Variants in ACSL3 observed in about 807,000 individuals in gnomAD.
ACSL3 encodes fatty acid CoA ligase Acsl3.
A neutral mutation model predicts 84.7 loss-of-function variants in ACSL3; 34 were observed. The ratio of observed to expected loss-of-function variants is 0.40; its 90% confidence interval spans 0.31 to 0.53. The LOEUF (loss-of-function observed/expected upper bound fraction) is 0.53. Ranked by LOEUF, ACSL3 falls within the 20% of genes least tolerant of loss-of-function variation. ACSL3 has a pLI of 0.48. For synonymous variants in ACSL3, 315 were observed against 299.4 expected (o/e 1.05, Z -0.54); for missense variants, 680 against 873.1 (o/e 0.78, Z 2.79).
intron 4 of ACSL3, among the ~76,000 whole-genome samples, chr2:222,911,398 G>A (rs1005703309): frequency 6.6e-6 from 1 of 152,108 alleles, no homozygotes; most frequent in Non-Finnish European, 1.5e-5. Flanking sequence ...TTGAGAAATC[G>A]GGTAGTTATG....
chr2:222,913,116 A>T (rs930542970), intron 4 of ACSL3, among the ~76,000 whole-genome samples: 2 of 152,222 alleles, frequency 1.3e-5, no homozygotes, highest in African/African-American at 4.8e-5. Context: ...TTTTTCTTAG[A>T]TATTTTATAA....
chr2:222,888,536 T>C (rs1229320905), intron 2 of ACSL3, among the ~76,000 whole-genome samples: 1 of 152,240 alleles, frequency 6.6e-6, no homozygotes, highest in South Asian at 2.1e-4. Context: ...ATTAGAATCA[T>C]GATAGTTGAC....
chr2:222,880,096 T>C (rs1031068861), intron 1 of ACSL3, among the ~76,000 whole-genome samples: 1 of 152,214 alleles, frequency 6.6e-6, no homozygotes, highest in Non-Finnish European at 1.5e-5. Context: ...TATTGCCATA[T>C]ACAAAAGTCC....
At chr2:222,907,808 C>G (rs1308773457) in intron 3 of ACSL3, among the ~76,000 whole-genome samples, 3 of 151,790 alleles carry the variant, frequency 2.0e-5, no homozygotes, top group Admixed American at 6.6e-5. Context: ...AATGGCTGTT[C>G]CCCTCTGCCC....
intron 4 of ACSL3, among the ~76,000 whole-genome samples, chr2:222,911,268 C>T (rs4674722): frequency 0.41 from 61,871 of 151,834 alleles, 13,203 homozygotes; most frequent in East Asian, 0.76. Context: ...AGGCTGGTCT[C>T]GAACTCCCAG....
At chr2:222,862,588 G>A (rs946362752) in intron 1 of ACSL3, among the ~76,000 whole-genome samples, 1 of 152,196 alleles carries the variant, frequency 6.6e-6, no homozygotes, top group African/African-American at 2.4e-5. Context: ...GGAATCTTTT[G>A]CACAGACTTG....
chr2:222,930,599 A>G, intron 13 of ACSL3, 22 bp from the exon 14 acceptor site: 1 of 1,545,302 alleles, frequency 6.5e-7, no homozygotes, highest in South Asian at 1.2e-5. Flanking sequence ...CTCAACTATT[A>G]ACTCAATTAT....
rs890690850 is a variant in ACSL3, at chr2:222,887,842, G to A, written c.-194G>A. On this transcript the variant is annotated 5_prime_UTR_variant, in exon 2 of 17. Coordinates refer to ENST00000357430, the MANE Select transcript of ACSL3 (RefSeq NM_004457.5). ...TTTGTTTTGACAGGTTTTGACACAA[G>A]GGCGCATATCTTCAAAGCACCTAGT... 3.3e-5 allele frequency: 5 copies of A among 152,094 alleles called. No homozygotes were observed. Among genetic ancestry groups the A allele is most frequent in the African/African-American group, 1.2e-4 (5 of 41,412 alleles). 9.4% of individuals were successfully genotyped at this position (152,094 alleles called of 1,614,324 possible).
At chr2:222,918,808 GCAGTACCCTT>G (rs992276942) in intron 6 of ACSL3, among the ~76,000 whole-genome samples, 2 of 151,628 alleles carry the variant, frequency 1.3e-5, no homozygotes, top group African/African-American at 4.8e-5. Context: ...GTTTTATAAG[GCAGTACCCTT>G]CTTGATCAGG....
intron 6 of ACSL3, 58 bp downstream of exon 6, chr2:222,918,213 G>A (rs1489898991): frequency 2.0e-5 from 22 of 1,122,672 alleles, no homozygotes; most frequent in Non-Finnish European, 2.6e-5. Context: ...AGTGTCATGA[G>A]CCCTATTATT....
intron 1 of ACSL3, among the ~76,000 whole-genome samples, chr2:222,882,761 G>GTTTTTTTTTTTTTTTTTTTT (rs71408540): frequency 1.7e-5 from 2 of 119,982 alleles, no homozygotes; most frequent in African/African-American, 6.3e-5. Flanking sequence ...CCAGATCACT[G>GTTTTTTTTTTTTTTTTTTTT]TTTTTTTTTT....
chr2:222,930,838 A>C, intron 14 of ACSL3, 26 bp downstream of exon 14: 1 of 1,565,882 alleles, frequency 6.4e-7, no homozygotes, highest in Non-Finnish European at 8.7e-7. Flanking sequence ...TTTTTTTGAA[A>C]ATGAATGTTT....
chr2:222,919,859 T>G (rs940444986), intron 7 of ACSL3, among the ~76,000 whole-genome samples: 1 of 152,206 alleles, frequency 6.6e-6, no homozygotes, highest in Non-Finnish European at 1.5e-5. Context: ...TGCAGATATA[T>G]TGTGGACAGT....
chr2:222,917,497 T>G (rs910779907), intron 5 of ACSL3: 6 of 152,254 alleles, frequency 3.9e-5, no homozygotes, highest in African/African-American at 9.6e-5. Flanking sequence ...AGTCATTTTG[T>G]GTATCTTTTT....
chr2:222,909,981 C>G (rs932103303), intron 4 of ACSL3, among the ~76,000 whole-genome samples: 6 of 152,178 alleles, frequency 3.9e-5, no homozygotes, highest in Admixed American at 2.6e-4. Flanking sequence ...TCCAGGCCTT[C>G]TGGCTCCAGA....
rs748289341 is a variant in ACSL3, at chr2:222,916,496, C to T, written c.556C>T (p.Leu186Phe). 22 of 1,570,550 alleles carry T rather than the reference C, an allele frequency of 1.4e-5. No homozygotes were observed. Among genetic ancestry groups the T allele is most frequent in the African/African-American group, 5.4e-5 (4 of 73,514 alleles). The change falls in exon 5 of 17, where the codon CTT becomes TTT. Residue 186 changes from leucine (L) to phenylalanine (F), a missense_variant and splice_region_variant. Transcript: ENST00000357430. ...GGCGTGTTTTATGTATAATTTTCAG[C>T]GTATGTAGACTTTCTTATCTTCTGG... ...AQACFMYNFQ[L>F]VTLYATLGGP...
chr2:222,922,661 A>G (rs200932353), intron 8 of ACSL3, 47 bp from the exon 9 acceptor site: 143 of 1,609,528 alleles, frequency 8.9e-5, no homozygotes, highest in Middle Eastern at 1.8e-4. Context: ...CACTTTTGGC[A>G]TAGACGACAC....
At chr2:222,875,861 T>C (rs895398359) in intron 1 of ACSL3, among the ~76,000 whole-genome samples, 8 of 152,228 alleles carry the variant, frequency 5.3e-5, no homozygotes, top group African/African-American at 1.7e-4. Context: ...TTTTTGTTTT[T>C]CCCTGTTTTA....
At chr2:222,874,052 C>T (rs776758038) in intron 1 of ACSL3, among the ~76,000 whole-genome samples, 5 of 152,014 alleles carry the variant, frequency 3.3e-5, no homozygotes, top group Non-Finnish European at 7.3e-5. Context: ...GACGGAGTCT[C>T]ACTCTGTCAC....
Sources: allele counts gnomAD v4.1 joint callset (sites outside exome capture counted in the v4.1 genomes callset), GRCh38; gene constraint gnomAD v4.1.1; transcripts MANE v1.5; gene names NCBI Gene and HGNC (gene_info 2026-07-23, HGNC 2026-07-21).